PLEKHA6: variants seen among roughly 807,000 people sequenced by gnomAD.
The protein encoded by PLEKHA6 is pleckstrin homology domain-containing family A member 6.
Under a neutral mutation model 116.7 loss-of-function variants are expected in PLEKHA6, and 60 were observed. The ratio of observed to expected loss-of-function variants is 0.51; its 90% CI spans 0.42 to 0.64. PLEKHA6 has a LOEUF of 0.64. PLEKHA6 is among the 30% of genes least tolerant of loss of function. PLEKHA6 has a pLI of 0.00. For synonymous variants in PLEKHA6, 489 were observed against 556.1 expected (o/e 0.88, Z 1.70); for missense variants, 1,338 against 1,422.7 (o/e 0.94, Z 0.96).
At chr1:204,353,246 G>T (rs1673333363) in intron 1 of PLEKHA6, among the ~76,000 whole-genome samples, 1 of 152,156 alleles carries the variant, frequency 6.6e-6, no homozygotes, top group African/African-American at 2.4e-5. Flanking sequence ...GCCATCTCTT[G>T]CCTTGAAGAA....
At position 204,277,193 on chromosome 1, in the gene PLEKHA6, C is replaced by A. The variant is rs969140691; in HGVS notation, c.-94-2384G>T. 6.6e-6 allele frequency: 1 copy of A among 152,582 alleles called. No individual in the cohort carries two copies. The highest frequency in any genetic ancestry group is 1.5e-5 in the Non-Finnish European group (1 of 68,082). 9.5% of individuals were successfully genotyped at this position (152,582 alleles called of 1,614,324 possible). A position where few individuals can be genotyped will look rare whatever the true frequency, so the allele number is the denominator to read the frequency against. ...CTCTAGCAGTTCTCCCTCCTCCTGG[C>A]TCTGGCTCTGGAGAACCAGGAGGGC... On this transcript the variant is annotated intron_variant, in intron 1 of 22. Transcript: ENST00000272203. The surrounding 1 kb of genome is among the most constrained non-coding windows in gnomAD (Gnocchi z 4.1).
intron 1 of PLEKHA6, among the ~76,000 whole-genome samples, chr1:204,298,434 G>C (rs777892414): frequency 2.0e-5 from 3 of 152,132 alleles, no homozygotes; most frequent in Non-Finnish European, 2.9e-5. Context: ...CCTGAGGAGG[G>C]GTCGGGGACT....
chr1:204,234,128 G>C (rs4619032), intron 17 of PLEKHA6, among the ~76,000 whole-genome samples: 5 of 151,892 alleles, frequency 3.3e-5, no homozygotes, highest in South Asian at 4.1e-4. Context: ...TCCTGGATGA[G>C]GATGGGCCCT....
At chr1:204,287,452 TG>T (rs1669315204) in intron 1 of PLEKHA6, among the ~76,000 whole-genome samples, 1 of 152,034 alleles carries the variant, frequency 6.6e-6, no homozygotes, top group African/African-American at 2.4e-5. Context: ...GTTGAGGGAA[TG>T]GGGGCAACAG....
chr1:204,291,335 T>C (rs1344370353), intron 1 of PLEKHA6, among the ~76,000 whole-genome samples: 1 of 152,218 alleles, frequency 6.6e-6, no homozygotes, highest in Non-Finnish European at 1.5e-5. Flanking sequence ...AGAATATAAA[T>C]GGTACATCCT....
At chr1:204,258,752 A>G (rs1474961914) in intron 8 of PLEKHA6, among the ~76,000 whole-genome samples, 1 of 152,250 alleles carries the variant, frequency 6.6e-6, no homozygotes, top group East Asian at 1.9e-4. Flanking sequence ...ATAGATGGCC[A>G]TGTTGGGACC....
At chr1:204,251,277 T>G (rs1445489914) in intron 9 of PLEKHA6, among the ~76,000 whole-genome samples, 1 of 152,196 alleles carries the variant, frequency 6.6e-6, no homozygotes, top group Non-Finnish European at 1.5e-5. Flanking sequence ...AGAGCAGAGT[T>G]GCGATCCCCA....
chr1:204,260,234 C>T (rs1395503511), intron 7 of PLEKHA6, among the ~76,000 whole-genome samples: 4 of 152,210 alleles, frequency 2.6e-5, no homozygotes, highest in African/African-American at 7.2e-5. Context: ...TCTTGGGCTC[C>T]TCATCAGCAG....
At chr1:204,308,924 C>T (rs979233567) in intron 1 of PLEKHA6, 3 of 168,052 alleles carry the variant, frequency 1.8e-5, no homozygotes, top group African/African-American at 7.2e-5. Context: ...CTCCTGACCT[C>T]ATGATCCGCC....
intron 1 of PLEKHA6, among the ~76,000 whole-genome samples, chr1:204,358,413 G>T (rs368372482): frequency 1.3e-5 from 2 of 152,170 alleles, no homozygotes; most frequent in Non-Finnish European, 2.9e-5. Flanking sequence ...GAAAGCTGGC[G>T]ACTGAACCGT....
In PLEKHA6 at chr1:204,223,396, C is replaced by T. The variant is rs753301917; in HGVS notation, c.*8+66G>A. The stretch of plus-strand genomic sequence containing the variant: ...TACCAAAATGAGAGGGCATAGATGG[C>T]TCAATGGGGGTGAAGGAAGGGGCCC... On this transcript the variant is annotated intron_variant, in intron 22 of 22. Transcript: ENST00000272203. This position sits in a 1 kb window ranked among gnomAD's most constrained non-coding sequence, Gnocchi z 4.8. 2.5e-6 allele frequency: 2 copies of T among 805,456 alleles called. No homozygotes were observed. The highest frequency in any genetic ancestry group is 4.3e-6 in the Non-Finnish European group (2 of 465,236). 49.9% of individuals were successfully genotyped at this position (805,456 alleles called of 1,614,324 possible). A position where few individuals can be genotyped will look rare whatever the true frequency, so the allele number is the denominator to read the frequency against.
chr1:204,326,972 C>T (rs1479545997), intron 1 of PLEKHA6: 7 of 985,280 alleles, frequency 7.1e-6, no homozygotes, highest in Middle Eastern at 5.2e-4. Context: ...CAGGCAGAAG[C>T]GCGCTGGGTA....
rs1660685795 is a variant in PLEKHA6 at position 204,228,448 on chromosome 1, G to A, written c.2886-220C>T. On this transcript the variant is annotated intron_variant, in intron 20 of 22. Transcript: ENST00000272203. The surrounding 1 kb of genome is among the most constrained non-coding windows in gnomAD (Gnocchi z 4.0). ...CTCAAATGAATTAAAAGGTTCAAGT[G>A]AGCATTTAGGGCAGCCTTGAAGGGG... is the stretch of plus-strand genomic sequence containing the variant. 6.6e-6 allele frequency among the ~76,000 whole-genome samples: 1 copy of A among 152,130 alleles called. No homozygotes were observed. Among genetic ancestry groups the A allele is most frequent in the Non-Finnish European group, 1.5e-5 (1 of 68,016 alleles).
chr1:204,297,951 C>A, intron 1 of PLEKHA6: 1 of 967,206 alleles, frequency 1.0e-6, no homozygotes, highest in Middle Eastern at 5.3e-4. Context: ...CTCCTCATAT[C>A]TCTCCCCATT....
chr1:204,374,658 C>T (rs973579833), intron 1 of PLEKHA6, among the ~76,000 whole-genome samples: 1 of 152,108 alleles, frequency 6.6e-6, no homozygotes, highest in Non-Finnish European at 1.5e-5. Flanking sequence ...CTTGCATCTT[C>T]ACCTCCTCTC....
At chr1:204,240,147 T>C (rs1662598141) in intron 17 of PLEKHA6, among the ~76,000 whole-genome samples, 1 of 152,088 alleles carries the variant, frequency 6.6e-6, no homozygotes, top group Non-Finnish European at 1.5e-5. Flanking sequence ...ACAATGGAAA[T>C]AAGGAGGAAT....
intron 1 of PLEKHA6, among the ~76,000 whole-genome samples, chr1:204,285,677 G>A (rs761656870): frequency 6.6e-6 from 1 of 152,106 alleles, no homozygotes; most frequent in Non-Finnish European, 1.5e-5. Flanking sequence ...CGGTCTCGCC[G>A]TGTTGGCCAG....
At chr1:204,310,507 C>T (rs1671617883) in intron 1 of PLEKHA6, among the ~76,000 whole-genome samples, 1 of 152,222 alleles carries the variant, frequency 6.6e-6, no homozygotes, top group Non-Finnish European at 1.5e-5. Flanking sequence ...CCCTCCCCTT[C>T]CCGCATTCCT....
intron 1 of PLEKHA6, among the ~76,000 whole-genome samples, chr1:204,304,837 G>T (rs1671137086): frequency 6.6e-6 from 1 of 152,196 alleles, no homozygotes; most frequent in South Asian, 2.1e-4. Flanking sequence ...GAAGGGAGGG[G>T]GAAATTAATA....
Sources: gnomAD v4.1 joint callset for allele counts (sites outside exome capture counted in the v4.1 genomes callset) on GRCh38, gnomAD v4.1.1 for gene constraint, Gnocchi (gnomAD v3.1) non-coding constraint, MANE v1.5 for transcripts, NCBI Gene and HGNC (gene_info 2026-07-23, HGNC 2026-07-21) for gene names.